PLEKHG1: variants seen among roughly 807,000 people sequenced by gnomAD.
PLEKHG1 encodes pleckstrin homology domain-containing family G member 1.
Under a neutral mutation model 100.8 loss-of-function variants are expected in PLEKHG1, and 44 were observed. The observed-to-expected ratio is 0.44, with a 90% confidence interval of 0.34 to 0.56. The LOEUF (loss-of-function observed/expected upper bound fraction) is 0.56, where lower values mean the gene tolerates loss of function less well. Among genes scored for constraint, PLEKHG1 ranks in the 20% least tolerant of loss-of-function variants. The pLI is 0.01. For missense variants in PLEKHG1, 1,545 were observed against 1,720.9 expected (o/e 0.90, Z 1.81); for synonymous variants, 640 against 662.5 (o/e 0.97, Z 0.52).
chr6:150,617,214 A>G (rs888990722), intron 1 of PLEKHG1, among the ~76,000 whole-genome samples: 10 of 152,268 alleles, frequency 6.6e-5, no homozygotes, highest in African/African-American at 2.4e-4. Flanking sequence ...TGAAGATTAT[A>G]GAATCCATTA....
chr6:150,715,520 C>T (rs1781395717), intron 3 of PLEKHG1, among the ~76,000 whole-genome samples: 1 of 142,430 alleles, frequency 7.0e-6, no homozygotes, highest in South Asian at 2.2e-4. Context: ...CGGAATCTTG[C>T]TCTGTGGCCC....
At chr6:150,697,380 T>C (rs1206524231) in intron 3 of PLEKHG1, among the ~76,000 whole-genome samples, 1 of 152,188 alleles carries the variant, frequency 6.6e-6, no homozygotes, top group Non-Finnish European at 1.5e-5. Context: ...ATCTTAGCTC[T>C]TGAAGCTTCC....
intron 3 of PLEKHG1, among the ~76,000 whole-genome samples, chr6:150,702,557 GGTGT>G (rs56768740): frequency 6.4e-4 from 91 of 142,910 alleles, no homozygotes; most frequent in Admixed American, 1.5e-3. Context: ...TTTGTTTTGG[GGTGT>G]GTGTGTGTGT....
intron 2 of PLEKHG1, among the ~76,000 whole-genome samples, chr6:150,641,758 G>A (rs1483063051): frequency 6.6e-6 from 1 of 150,844 alleles, no homozygotes; most frequent in East Asian, 2.0e-4. Flanking sequence ...GAAACTGAAA[G>A]CTCATCTGAA....
chr6:150,826,229 G>C (rs923681834), intron 14 of PLEKHG1, among the ~76,000 whole-genome samples: 2 of 152,082 alleles, frequency 1.3e-5, no homozygotes, highest in Non-Finnish European at 2.9e-5. Flanking sequence ...AGGTCACAGC[G>C]GGCGGATTGC....
chr6:150,628,571 CACACA>C, intron 1 of PLEKHG1, among the ~76,000 whole-genome samples: 3 of 150,750 alleles, frequency 2.0e-5, no homozygotes, highest in Admixed American at 6.6e-5. Flanking sequence ...CACACACACA[CACACA>C]CCCCGTCCTT....
intron 2 of PLEKHG1, among the ~76,000 whole-genome samples, chr6:150,640,953 CTA>C (rs1223806996): frequency 6.6e-6 from 1 of 151,978 alleles, no homozygotes; most frequent in East Asian, 1.9e-4. Context: ...GGCAGGAGTA[CTA>C]TATGTCAGTT....
exon 16 of PLEKHG1, chr6:150,840,801 G>T (rs777413367): frequency 6.2e-7 from 1 of 1,614,114 alleles, no homozygotes; most frequent in South Asian, 1.1e-5. Context: ...CAAACTGAAT[G>T]ACTATCTTTG....
intron 14 of PLEKHG1, among the ~76,000 whole-genome samples, chr6:150,829,170 G>T (rs891998848): frequency 6.6e-6 from 1 of 152,034 alleles, no homozygotes; most frequent in Non-Finnish European, 1.5e-5. Context: ...TATGTCTCTG[G>T]TACTAATTAG....
upstream of PLEKHG1, among the ~76,000 whole-genome samples, chr6:150,719,438 G>A (rs992461029): frequency 3.3e-5 from 5 of 152,186 alleles, no homozygotes; most frequent in Non-Finnish European, 7.3e-5. Context: ...TTAGAGCTTT[G>A]TGTCTGCCTC....
At chr6:150,612,664 G>A (rs73619641) in intron 1 of PLEKHG1, among the ~76,000 whole-genome samples, 3,880 of 152,132 alleles carry the variant, frequency 0.026, 136 homozygotes, top group African/African-American at 0.085. Context: ...TTCTTCTAAC[G>A]GTTCAACCCA....
chr6:150,695,886 TGA>T (rs1780524581), intron 3 of PLEKHG1, among the ~76,000 whole-genome samples: 2 of 152,128 alleles, frequency 1.3e-5, no homozygotes, highest in Admixed American at 1.3e-4. Context: ...TAAATAGCTG[TGA>T]AATGACTAAG....
chr6:150,682,998 G>A (rs1230144013), intron 3 of PLEKHG1, among the ~76,000 whole-genome samples: 1 of 152,170 alleles, frequency 6.6e-6, no homozygotes, highest in Non-Finnish European at 1.5e-5. Flanking sequence ...TTTGCTACAG[G>A]GTTGGATGTC....
intron 7 of PLEKHG1, among the ~76,000 whole-genome samples, chr6:150,805,267 A>G (rs927242741): frequency 6.6e-6 from 1 of 152,202 alleles, no homozygotes; most frequent in African/African-American, 2.4e-5. Flanking sequence ...TTGTTTGCTT[A>G]TAGCCCCTTT....
At chr6:150,790,796 C>A (rs141904342) in intron 4 of PLEKHG1, among the ~76,000 whole-genome samples, 15 of 151,774 alleles carry the variant, frequency 9.9e-5, no homozygotes, top group Non-Finnish European at 8.8e-5. Context: ...CCGAAGGGGG[C>A]AGATTACCTG....
At chr6:150,707,468 T>C (rs1781071158) in intron 3 of PLEKHG1, among the ~76,000 whole-genome samples, 1 of 152,042 alleles carries the variant, frequency 6.6e-6, no homozygotes, top group East Asian at 1.9e-4. Flanking sequence ...AGGCAGATCA[T>C]ATAAAGGAGT....
intron 11 of PLEKHG1, 77 bp from the exon 13 acceptor site, chr6:150,819,602 A>G: frequency 1.4e-6 from 1 of 728,284 alleles, no homozygotes; most frequent in African/African-American, 1.8e-5. Context: ...ATCCATATAA[A>G]TCTACACTAG....
intron 1 of PLEKHG1, among the ~76,000 whole-genome samples, chr6:150,602,427 TGTG>T (rs1430017979): frequency 6.6e-6 from 1 of 152,248 alleles, no homozygotes; most frequent in Non-Finnish European, 1.5e-5. Flanking sequence ...AGCCTACTTG[TGTG>T]ATGCTCACAT....
upstream of PLEKHG1, among the ~76,000 whole-genome samples, chr6:150,719,053 A>G (rs1422501024): frequency 6.6e-6 from 1 of 152,224 alleles, no homozygotes; most frequent in Non-Finnish European, 1.5e-5. Context: ...TACTTACACA[A>G]GTTGATGATT....
Sources: gnomAD v4.1 joint callset for allele counts (sites outside exome capture counted in the v4.1 genomes callset) on GRCh38, gnomAD v4.1.1 for gene constraint, MANE v1.5 for transcripts, NCBI Gene and HGNC (gene_info 2026-07-23, HGNC 2026-07-21) for gene names.